The following GLCE variants were observed in gnomAD, a reference collection of about 807,000 sequenced individuals.
The protein encoded by GLCE is D-glucuronyl C5-epimerase.
Under a neutral mutation model 47.9 loss-of-function variants are expected in GLCE, and 19 were observed. That is an observed-to-expected ratio of 0.40 (90% CI 0.28 to 0.58). GLCE has a LOEUF of 0.58. Among genes scored for constraint, GLCE ranks in the 20% least tolerant of loss-of-function variants. GLCE has a pLI of 0.48. For synonymous variants in GLCE, 245 were observed against 263.4 expected, an observed-to-expected ratio of 0.93 and a Z score of 0.68; for missense variants, 556 against 743.3, an observed-to-expected ratio of 0.75 and a Z score of 2.93.
intron 2 of GLCE, among the ~76,000 whole-genome samples, chr15:69,253,566 A>G (rs1395972541): frequency 6.6e-6 from 1 of 152,254 alleles, no homozygotes; most frequent in African/African-American, 2.4e-5. Flanking sequence ...TGGCCAGTGG[A>G]AAAAGTAAAA....
At chr15:69,268,191 A>T in intron 4 of GLCE, 29 bp from the exon 5 acceptor site, 1 of 1,430,332 alleles carries the variant, frequency 7.0e-7, no homozygotes, top group Non-Finnish European at 9.5e-7. Flanking sequence ...TATTCTAACC[A>T]GTCTTTGTTG....
In GLCE at chr15:69,271,726, A is replaced by G. The variant is rs2053169308; in HGVS notation, c.*2482A>G. The G allele has an allele frequency of 6.6e-6, 1 of 152,512 alleles. No homozygotes were observed. The highest frequency in any genetic ancestry group is 2.4e-5 in the African/African-American group (1 of 41,442). The allele number at this position is 152,512 out of a possible 1,614,324, so 9.4% of individuals were successfully genotyped here. On this transcript the variant is annotated 3_prime_UTR_variant, in exon 5 of 5. Coordinates refer to ENST00000261858, the MANE Select transcript of GLCE (RefSeq NM_015554.3). ...TTAAATCTATTGCTACTTCAGTTGT[A>G]AAACCAGCCAAAAGTTTCTGGATGA...
chr15:69,268,502 A>C lies in GLCE; in HGVS notation c.1112A>C (p.Lys371Thr). Residue 371 changes from lysine to threonine, a missense_variant, in exon 5 of 5, where the codon AAG (lysine) becomes ACG (threonine). Physicochemically the swap from Lys to Thr is moderately conservative, Grantham distance 78. Coordinates refer to ENST00000261858, the MANE Select transcript of GLCE (RefSeq NM_015554.3). ...GVGLSNTKAV[K>T]PTKIMPKKVV... ...GGTCTTTCAAACACAAAAGCTGTCA[A>C]GCCAACCAAAATAATGCCCAAGAAG... 6.2e-7 allele frequency: 1 copy of C among 1,614,222 alleles called. No individual in the cohort carries two copies. Among genetic ancestry groups the C allele is most frequent in the African/African-American group, 1.3e-5 (1 of 75,068 alleles).
chr15:69,254,119 G>C (rs371028676), intron 2 of GLCE, among the ~76,000 whole-genome samples: 86 of 152,224 alleles, frequency 5.6e-4, no homozygotes, highest in African/African-American at 2.0e-3. Flanking sequence ...GGGAAAATGA[G>C]AAGGGGGGAT....
Position 69,268,243 on chromosome 15 carries a change from C to T in GLCE, c.853C>T (p.Gln285Ter). 6.2e-7 allele frequency: 1 copy of T among 1,606,666 alleles called. No homozygotes were observed. The highest frequency in any genetic ancestry group is 1.7e-5 in the Admixed American group (1 of 59,262). Residue 285 changes from glutamine (Q) to a stop codon, truncating the protein, a stop_gained, in exon 5 of 5, where the codon CAA becomes TAA. Coordinates refer to ENST00000261858, the MANE Select transcript of GLCE (RefSeq NM_015554.3). LOFTEE classifies it high-confidence loss of function. ...APETSEGVSL[Q>*]LGNTKDFIIS... ...AGAAACCAGTGAAGGTGTATCCTTGCAACTGGGAAACACAAAAGATTTTAT... is the reference window on the plus strand; with the variant it reads ...AGAAACCAGTGAAGGTGTATCCTTGTAACTGGGAAACACAAAAGATTTTAT...
chr15:69,162,316 T>TAA (rs57157001), intron 1 of GLCE, among the ~76,000 whole-genome samples: 1 of 146,976 alleles, frequency 6.8e-6, no homozygotes, highest in African/African-American at 2.5e-5. Flanking sequence ...GTGTATTGGT[T>TAA]AAAAAAAAAA....
intron 4 of GLCE, chr15:69,266,753 A>G (rs571549603): frequency 4.3e-6 from 4 of 938,910 alleles, no homozygotes; most frequent in Admixed American, 6.2e-5. Context: ...ACCATCTCCA[A>G]TATCATTTGT....
At chr15:69,239,727 GTTAC>G (rs1026661888) in intron 2 of GLCE, among the ~76,000 whole-genome samples, 1 of 152,118 alleles carries the variant, frequency 6.6e-6, no homozygotes, top group African/African-American at 2.4e-5. Context: ...GAGTTCATAT[GTTAC>G]TTTTTTTTAA....
chr15:69,228,345 G>A (rs922558193), intron 2 of GLCE, among the ~76,000 whole-genome samples: 2 of 152,274 alleles, frequency 1.3e-5, no homozygotes, highest in Middle Eastern at 3.4e-3. Flanking sequence ...CTCAAAAAGT[G>A]GGAAGGGTAT....
intron 2 of GLCE, among the ~76,000 whole-genome samples, chr15:69,222,832 G>A (rs971972373): frequency 2.6e-5 from 4 of 152,070 alleles, no homozygotes; most frequent in African/African-American, 9.7e-5. Context: ...ATAGTGAAAG[G>A]TTTAAAATAA....
intron 2 of GLCE, among the ~76,000 whole-genome samples, chr15:69,229,623 G>GT (rs374997215): frequency 1.2e-4 from 18 of 151,640 alleles, no homozygotes; most frequent in Non-Finnish European, 2.4e-4. Flanking sequence ...ATAAGTAGAG[G>GT]TTTTTTTGTT....
chr15:69,258,786 C>A (rs1270307629), intron 3 of GLCE, among the ~76,000 whole-genome samples: 2 of 152,026 alleles, frequency 1.3e-5, no homozygotes, highest in African/African-American at 4.8e-5. Flanking sequence ...AAATTAAGAT[C>A]AAGTGAATAA....
intron 2 of GLCE, among the ~76,000 whole-genome samples, chr15:69,243,057 CAAAAAA>C (rs547412078): frequency 2.1e-4 from 9 of 42,360 alleles, no homozygotes; most frequent in African/African-American, 6.8e-4. Flanking sequence ...AGATCCTGTC[CAAAAAA>C]AAAAAAAAAA....
intron 1 of GLCE, among the ~76,000 whole-genome samples, chr15:69,200,253 A>T (rs753689608): frequency 3.3e-5 from 5 of 152,158 alleles, no homozygotes; most frequent in Non-Finnish European, 5.9e-5. Context: ...GTTGTTTTTA[A>T]TATTTTAGAG....
At chr15:69,257,664 T>C (rs2052946285) in intron 3 of GLCE, among the ~76,000 whole-genome samples, 1 of 152,140 alleles carries the variant, frequency 6.6e-6, no homozygotes, top group African/African-American at 2.4e-5. Flanking sequence ...ACCAAATGTT[T>C]AGAAGAGAGA....
intron 1 of GLCE, among the ~76,000 whole-genome samples, chr15:69,165,505 C>CTTTTTTTTTTTTTTT (rs1172987241): frequency 5.9e-5 from 5 of 84,614 alleles, no homozygotes; most frequent in Middle Eastern, 7.4e-3. Context: ...GCACTGTCTG[C>CTTTTTTTTTTTTTTT]TTTTTTTTTT....
At chr15:69,186,867 T>C (rs1398334212) in intron 1 of GLCE, among the ~76,000 whole-genome samples, 4 of 152,216 alleles carry the variant, frequency 2.6e-5, no homozygotes, top group Admixed American at 1.3e-4. Context: ...TTTTCTCATA[T>C]ACACTTTTTT....
At chr15:69,260,851 G>C (rs568525033) in intron 3 of GLCE, 1 of 459,086 alleles carries the variant, frequency 2.2e-6, no homozygotes, top group African/African-American at 1.9e-5. Flanking sequence ...AATTTATAGC[G>C]TTGCACTATT....
intron 2 of GLCE, among the ~76,000 whole-genome samples, chr15:69,221,096 C>A (rs1273446053): frequency 1.3e-5 from 2 of 152,190 alleles, no homozygotes; most frequent in Non-Finnish European, 1.5e-5. Flanking sequence ...CATTTCTAGG[C>A]CCTCTAGTGT....
Sources: allele counts gnomAD v4.1 joint callset (sites outside exome capture counted in the v4.1 genomes callset), GRCh38; gene constraint gnomAD v4.1.1; transcripts MANE v1.5; gene names NCBI Gene and HGNC (gene_info 2026-07-23, HGNC 2026-07-21).